FRK: variants seen among roughly 807,000 people sequenced by gnomAD.
FRK encodes fyn related Src family tyrosine kinase.
Under a neutral mutation model 56.4 loss-of-function variants are expected in FRK, and 51 were observed. The ratio of observed to expected loss-of-function variants is 0.90; its 90% CI spans 0.72 to 1.14. The LOEUF (loss-of-function observed/expected upper bound fraction) is 1.14, where lower values mean the gene tolerates loss of function less well. Among genes scored for constraint, FRK ranks in the 50% most tolerant of loss-of-function variants. FRK has a pLI of 0.00. For missense variants in FRK, 570 were observed against 601.4 expected, an observed-to-expected ratio of 0.95 and a Z score of 0.55; for synonymous variants, 245 against 217.9, an observed-to-expected ratio of 1.12 and a Z score of -1.10.
intron 1 of FRK, among the ~76,000 whole-genome samples, chr6:116,058,242 C>A (rs1777469462): frequency 6.6e-6 from 1 of 152,096 alleles, no homozygotes; most frequent in South Asian, 2.1e-4. Context: ...ATAAGTGTAT[C>A]CAATATATAA....
At chr6:116,059,937 C>A in intron 1 of FRK, 31 bp downstream of exon 1, 1 of 1,558,838 alleles carries the variant, frequency 6.4e-7, no homozygotes, top group South Asian at 1.1e-5. Flanking sequence ...TCAGAGAGTT[C>A]AGAAATTAAG....
intron 2 of FRK, among the ~76,000 whole-genome samples, chr6:115,978,904 T>C (rs1400589594): frequency 1.3e-5 from 2 of 151,954 alleles, no homozygotes; most frequent in East Asian, 3.8e-4. Context: ...ATGAACAAAA[T>C]TATCTGAGTG....
chr6:115,944,214 A>AAC, intron 6 of FRK, 30 bp downstream of exon 6: 1 of 1,577,500 alleles, frequency 6.3e-7, no homozygotes, highest in South Asian at 1.2e-5. Flanking sequence ...GACCTATTAC[A>AAC]AAAACTAATT....
the FRK span, among the ~76,000 whole-genome samples, chr6:116,073,307 C>G: frequency 6.6e-6 from 1 of 152,100 alleles, no homozygotes. Context: ...AAGAATGGAG[C>G]ACTAATTCAT....
chr6:116,083,151 A>G, the FRK span, among the ~76,000 whole-genome samples: 1 of 152,202 alleles, frequency 6.6e-6, no homozygotes, highest in Non-Finnish European at 1.5e-5. Context: ...TCATGGATAA[A>G]ATAAAATAAA....
At chr6:116,087,810 G>C in the FRK span, among the ~76,000 whole-genome samples, 1 of 152,192 alleles carries the variant, frequency 6.6e-6, no homozygotes, top group African/African-American at 2.4e-5. Flanking sequence ...CATCCCCTTA[G>C]CCCACTTTTG....
At chr6:115,974,733 T>C (rs939468076) in intron 2 of FRK, among the ~76,000 whole-genome samples, 1 of 152,190 alleles carries the variant, frequency 6.6e-6, no homozygotes, top group Admixed American at 6.5e-5. Context: ...TTCATAAAAC[T>C]TTAGTAATTC....
chr6:116,085,835 G>A, the FRK span, among the ~76,000 whole-genome samples: 3 of 152,136 alleles, frequency 2.0e-5, no homozygotes, highest in Admixed American at 6.5e-5. Context: ...CTCAGATTTT[G>A]AGATGAAAAG....
chr6:115,949,020 C>G (rs991857780), intron 5 of FRK, among the ~76,000 whole-genome samples: 4 of 152,068 alleles, frequency 2.6e-5, no homozygotes, highest in African/African-American at 9.7e-5. Context: ...AGTTGTATTC[C>G]TAGGTATTTT....
intron 5 of FRK, among the ~76,000 whole-genome samples, chr6:115,953,103 GAAA>G (rs201735683): frequency 4.0e-4 from 53 of 131,806 alleles, no homozygotes; most frequent in African/African-American, 1.4e-3. Flanking sequence ...TTTAAAAAAA[GAAA>G]AAAAAAGAAT....
Position 116,060,378 on chromosome 6 carries a change from ATC to A in FRK, c.-69_-68del. ...CCCCTTAGTCTCTGCGATCCACCTT[ATC>A]TTCCTTCACCAGGCAACTTTGAAGT... On this transcript the variant is annotated 5_prime_UTR_variant, in exon 1 of 8. Transcript: ENST00000606080. 7.7e-7 allele frequency: 1 copy of A among 1,298,798 alleles called. No homozygotes were observed. The highest frequency in any genetic ancestry group is 1.1e-6 in the Non-Finnish European group (1 of 928,920). The allele number at this position is 1,298,798 out of a possible 1,614,324, so 80.5% of individuals were successfully genotyped here. A position where few individuals can be genotyped will look rare whatever the true frequency, so the allele number is the denominator to read the frequency against.
At chr6:115,943,607 C>T (rs1325596183) in intron 6 of FRK, among the ~76,000 whole-genome samples, 3 of 151,458 alleles carry the variant, frequency 2.0e-5, no homozygotes, top group Admixed American at 1.3e-4. Flanking sequence ...AAGTAGGATC[C>T]AAGTGTTTTA....
At chr6:115,958,704 GAAGAAAGAAAGAAAGA>G (rs778214232) in intron 4 of FRK, among the ~76,000 whole-genome samples, 12 of 6,968 alleles carry the variant, frequency 1.7e-3, no homozygotes, top group African/African-American at 4.4e-3. Flanking sequence ...AAGAAAGAAA[GAAGAAAGAAAGAAAGA>G]AAGAAAGAAA....
rs745891091 is a variant in FRK, at chr6:115,942,641, C to A, written c.1307-16G>T. 6.3e-7 allele frequency: 1 copy of A among 1,597,630 alleles called. No individual in the cohort carries two copies. Among genetic ancestry groups the A allele is most frequent in the Non-Finnish European group, 8.6e-7 (1 of 1,166,512 alleles). On this transcript the variant is annotated splice_polypyrimidine_tract_variant and intron_variant, in intron 7 of 7. Transcript: ENST00000606080. ...CCTGTCATACCTTGAAAATACAGAA[C>A]GAAACCAACAACAACAAAAAAAACA... is the stretch of plus-strand genomic sequence containing the variant.
Position 116,003,931 on chromosome 6 carries a change from C to T in FRK, c.412G>A (p.Gly138Ser), listed in dbSNP as rs770246096. 9.3e-6 allele frequency: 15 copies of T among 1,612,934 alleles called. No individual in the cohort carries two copies. The highest frequency in any genetic ancestry group is 1.7e-5 in the Admixed American group (1 of 60,000). The change falls in exon 2 of 8, where the codon GGT (glycine) becomes AGT (serine). Residue 138 changes from glycine to serine, a missense_variant. Gly to Ser is a moderately conservative substitution (Grantham distance 56). Coordinates refer to ENST00000606080, the MANE Select transcript of FRK (RefSeq NM_002031.3). Reference sequence around the variant, plus strand: ...TCACTTTCTCTGATTAGAAAGGAACCGGTCTTGTTTTCTGAATATAATAGT... The same window carrying T: ...TCACTTTCTCTGATTAGAAAGGAACTGGTCTTGTTTTCTGAATATAATAGT... ...KQLLYSENKT[G>S]SFLIRESESQ...
At chr6:115,999,534 T>A (rs1774969723) in intron 2 of FRK, among the ~76,000 whole-genome samples, 1 of 152,290 alleles carries the variant, frequency 6.6e-6, no homozygotes, top group South Asian at 2.1e-4. Flanking sequence ...TGAAGCTCTT[T>A]TCTGACAGCT....
At chr6:115,967,289 C>G (rs1773618366) in intron 4 of FRK, among the ~76,000 whole-genome samples, 1 of 152,146 alleles carries the variant, frequency 6.6e-6, no homozygotes, top group Non-Finnish European at 1.5e-5. Flanking sequence ...CATTGGAAGA[C>G]TGAATCCTAA....
intron 2 of FRK, among the ~76,000 whole-genome samples, chr6:115,993,404 T>C (rs1774695832): frequency 6.6e-6 from 1 of 151,906 alleles, no homozygotes; most frequent in African/African-American, 2.4e-5. Context: ...GATTAACTTA[T>C]TTTTTCCCTG....
chr6:116,068,268 C>T, the FRK span, among the ~76,000 whole-genome samples: 2 of 151,986 alleles, frequency 1.3e-5, no homozygotes, highest in Non-Finnish European at 2.9e-5. Context: ...TAAATTTATT[C>T]CAGTTTTCTT....
Sources: allele counts gnomAD v4.1 joint callset (sites outside exome capture counted in the v4.1 genomes callset), GRCh38; gene constraint gnomAD v4.1.1; transcripts MANE v1.5; gene names NCBI Gene and HGNC (gene_info 2026-07-23, HGNC 2026-07-21).